The following SPEF2 variants were observed in gnomAD, a reference collection of about 807,000 sequenced individuals.
SPEF2 encodes the protein sperm flagellar and cilia associated 2.
SPEF2 carries 187 observed loss-of-function variants against 224.6 expected under a neutral mutation model. The ratio of observed to expected loss-of-function variants is 0.83; its 90% CI spans 0.74 to 0.94. The LOEUF is 0.94. Among genes scored for constraint, SPEF2 ranks in the 40% least tolerant of loss-of-function variants. The pLI, the probability that SPEF2 is intolerant of heterozygous loss-of-function variation, is 0.00. For synonymous variants in SPEF2, 715 were observed against 707.3 expected, an observed-to-expected ratio of 1.01 and a Z score of -0.17; for missense variants, 2,170 against 2,135.6, an observed-to-expected ratio of 1.02 and a Z score of -0.32.
At chr5:35,729,471 G>C (rs1000461730) in intron 21 of SPEF2, among the ~76,000 whole-genome samples, 12 of 152,178 alleles carry the variant, frequency 7.9e-5, no homozygotes, top group Admixed American at 6.5e-4. Flanking sequence ...AAGTACTTAC[G>C]TACATTAGCC....
At chr5:35,738,705 T>C (rs1305378933) in intron 21 of SPEF2, among the ~76,000 whole-genome samples, 5 of 151,426 alleles carry the variant, frequency 3.3e-5, no homozygotes, top group Non-Finnish European at 5.9e-5. Context: ...CTGAACCAAT[T>C]GAGATGTCTG....
intron 23 of SPEF2, among the ~76,000 whole-genome samples, chr5:35,750,983 C>CTA (rs150523436): frequency 0.43 from 31,631 of 73,372 alleles, 6,942 homozygotes; most frequent in South Asian, 0.5. Context: ...AGAAACTGTG[C>CTA]TATATATATA....
chr5:35,797,317 G>GGTGTGTGT (rs3219619), intron 33 of SPEF2, among the ~76,000 whole-genome samples: 21 of 142,110 alleles, frequency 1.5e-4, no homozygotes, highest in South Asian at 9.3e-4. Flanking sequence ...ATGGCTGACG[G>GGTGTGTGT]GTGTGTGTGT....
At chr5:35,654,857 A>G in intron 7 of SPEF2, 131 bp downstream of exon 7, 1 of 698,058 alleles carries the variant, frequency 1.4e-6, no homozygotes, top group Non-Finnish European at 2.2e-6. Flanking sequence ...TCACATCCTC[A>G]TCATAATAGC....
intron 26 of SPEF2, among the ~76,000 whole-genome samples, chr5:35,770,112 A>C (rs1392873290): frequency 6.6e-6 from 1 of 151,618 alleles, no homozygotes; most frequent in Non-Finnish European, 1.5e-5. Flanking sequence ...ACTCATAAAC[A>C]ACCTTCGCCT....
chr5:35,740,246 T>G lies in SPEF2; in HGVS notation c.3309T>G (p.Ala1103=). 6.2e-7 allele frequency: 1 copy of G among 1,614,110 alleles called. No homozygotes were observed. Among genetic ancestry groups the G allele is most frequent in the Non-Finnish European group, 8.5e-7 (1 of 1,180,000 alleles). Residue 1103 remains alanine (A), a synonymous_variant, in exon 23 of 37, where the codon GCT becomes GCG. Coordinates refer to ENST00000356031, the MANE Select transcript of SPEF2 (RefSeq NM_024867.4). ...TGTGGGATGATGAGGAAACAAAGGCTGAACTACATCAACGAGTGAATGTAA... is the reference window on the plus strand; with the variant it reads ...TGTGGGATGATGAGGAAACAAAGGCGGAACTACATCAACGAGTGAATGTAA... ...DDLWDDEETK[A]ELHQRVNDLR...
chr5:35,704,920 A>G (rs1038207956), intron 17 of SPEF2, among the ~76,000 whole-genome samples: 1 of 152,116 alleles, frequency 6.6e-6, no homozygotes, highest in African/African-American at 2.4e-5. Flanking sequence ...TGCACTTATA[A>G]GTTAATTATA....
At chr5:35,667,785 T>A (rs900119885) in intron 9 of SPEF2, among the ~76,000 whole-genome samples, 1 of 152,062 alleles carries the variant, frequency 6.6e-6, no homozygotes, top group African/African-American at 2.4e-5. Context: ...AAGACTAATA[T>A]CTAGAATATA....
intron 20 of SPEF2, 38 bp downstream of exon 20, chr5:35,712,924 C>T (rs780986759): frequency 9.0e-6 from 14 of 1,551,086 alleles, no homozygotes; most frequent in Non-Finnish European, 1.2e-5. Context: ...ACATGTAATT[C>T]TGCATTTTAT....
chr5:35,771,175 G>C (rs768059898), intron 26 of SPEF2, among the ~76,000 whole-genome samples: 16 of 151,860 alleles, frequency 1.1e-4, no homozygotes, highest in Admixed American at 3.9e-4. Flanking sequence ...AAAAAACTCT[G>C]TAGGGGATCA....
intron 30 of SPEF2, chr5:35,789,272 C>T: frequency 1.4e-6 from 1 of 703,242 alleles, no homozygotes; most frequent in Non-Finnish European, 2.6e-6. Flanking sequence ...CATGAATGTC[C>T]TTAGCATTCT....
Position 35,771,567 on chromosome 5 carries a change from G to A in SPEF2, c.3802-42G>A, listed in dbSNP as rs546428793. 4.4e-5 allele frequency: 69 copies of A among 1,577,706 alleles called. No individual in the cohort carries two copies. The South Asian group carries it at 6.9e-4, about 16-fold the overall frequency. ...TACATCCAAATGGTTGCCATATTTT[G>A]TAAATGAGACATTAACTGAAATATT... On this transcript the variant is annotated intron_variant, in intron 26 of 36. Coordinates refer to ENST00000356031, the MANE Select transcript of SPEF2 (RefSeq NM_024867.4).
chr5:35,756,408 A>T (rs1039920733), intron 24 of SPEF2, among the ~76,000 whole-genome samples: 1 of 152,192 alleles, frequency 6.6e-6, no homozygotes, highest in African/African-American at 2.4e-5. Context: ...TGCCACATAG[A>T]ACTGAAGGGA....
intron 2 of SPEF2, among the ~76,000 whole-genome samples, chr5:35,637,725 G>A (rs1329913478): frequency 6.6e-6 from 1 of 152,052 alleles, no homozygotes; most frequent in Non-Finnish European, 1.5e-5. Context: ...TCAAGTACAT[G>A]GCATATAAAT....
intron 1 of SPEF2, among the ~76,000 whole-genome samples, chr5:35,623,859 A>G (rs1316849366): frequency 6.6e-6 from 1 of 152,224 alleles, no homozygotes; most frequent in Non-Finnish European, 1.5e-5. Context: ...ATAATCACTG[A>G]GCTTTTACTG....
intron 30 of SPEF2, among the ~76,000 whole-genome samples, chr5:35,782,376 A>T (rs892839974): frequency 6.6e-6 from 1 of 152,224 alleles, no homozygotes; most frequent in Non-Finnish European, 1.5e-5. Context: ...ATATTATTTC[A>T]TATATGCCCA....
intron 10 of SPEF2, among the ~76,000 whole-genome samples, chr5:35,685,565 C>G (rs925832320): frequency 2.6e-5 from 4 of 152,000 alleles, no homozygotes; most frequent in African/African-American, 9.7e-5. Context: ...AATAACTCCA[C>G]TTGTAGACTT....
chr5:35,732,111 A>T (rs1012498213), intron 21 of SPEF2, among the ~76,000 whole-genome samples: 18 of 152,234 alleles, frequency 1.2e-4, no homozygotes, highest in African/African-American at 3.9e-4. Flanking sequence ...CACAGCAAGA[A>T]TAAGTCTTGT....
chr5:35,751,313 G>C (rs149168659), intron 23 of SPEF2, among the ~76,000 whole-genome samples: 5 of 145,486 alleles, frequency 3.4e-5, no homozygotes, highest in South Asian at 2.3e-4. Flanking sequence ...TGGGGACTTG[G>C]GGGGAAGAGT....
Sources: gnomAD v4.1 joint callset for allele counts (sites outside exome capture counted in the v4.1 genomes callset) on GRCh38, gnomAD v4.1.1 for gene constraint, MANE v1.5 for transcripts, NCBI Gene and HGNC (gene_info 2026-07-23, HGNC 2026-07-21) for gene names.